SYNPO2L: variants seen among roughly 807,000 people sequenced by gnomAD.
SYNPO2L encodes the protein synaptopodin 2-like protein.
In SYNPO2L, 34 loss-of-function variants were observed where a neutral mutation model predicts 47.5. That is an observed-to-expected ratio of 0.72 (90% CI 0.54 to 0.95). SYNPO2L has a LOEUF of 0.95. Ranked by LOEUF, SYNPO2L falls within the 40% of genes least tolerant of loss-of-function variation. SYNPO2L has a pLI of 0.00. For synonymous variants in SYNPO2L, 536 were observed against 524.9 expected, an observed-to-expected ratio of 1.02 and a Z score of -0.29; for missense variants, 1,246 against 1,282.0, an observed-to-expected ratio of 0.97 and a Z score of 0.43.
rs577750788 is a variant in SYNPO2L at position 73,647,358 on chromosome 10, C to A, written c.2294G>T (p.Arg765Leu). ...QGRGGELFAK[R>L]QSRADRYVVE... Reference sequence around the variant, plus strand: ...CACATACCTGTCCGCACGGCTCTGCCGCTTAGCAAACAGCTCCCCACCCCT... The same window carrying A: ...CACATACCTGTCCGCACGGCTCTGCAGCTTAGCAAACAGCTCCCCACCCCT... Residue 765 changes from arginine to leucine, a missense_variant, in exon 4 of 4, where the codon CGG becomes CTG. Coordinates refer to ENST00000394810, the MANE Select transcript of SYNPO2L (RefSeq NM_001114133.3). 19 of 1,614,038 alleles carry A rather than the reference C, an allele frequency of 1.2e-5. No homozygotes were observed. The African/African-American group carries it at 1.9e-4, about 16-fold the overall frequency.
At chr10:73,650,273 T>C (rs943175624) in intron 3 of SYNPO2L, 1 of 983,110 alleles carries the variant, frequency 1.0e-6, no homozygotes, top group African/African-American at 1.7e-5. Flanking sequence ...ATGAGCGTGG[T>C]ATCTTGAGTG....
intron 3 of SYNPO2L, chr10:73,650,645 C>T: frequency 1.0e-6 from 1 of 966,400 alleles, no homozygotes; most frequent in Non-Finnish European, 1.2e-6. Flanking sequence ...CTCACACATA[C>T]ATGCCTTCAT....
Position 73,647,457 on chromosome 10 carries a change from C to A in SYNPO2L, c.2195G>T (p.Arg732Leu). 1 of 1,601,232 alleles carries A rather than the reference C, an allele frequency of 6.2e-7. No individual in the cohort carries two copies. The highest frequency in any genetic ancestry group is 1.7e-5 in the Admixed American group (1 of 59,198). ...ATTCACGAGCCCATCAAGGAGCCCT[C>A]GAGATGGGGGCTTAGGAGCCACTGG... ...PPPVAPKPPS[R>L]GLLDGLVNGA... The change falls in exon 4 of 4, where the codon CGA (arginine) becomes CTA (leucine). Residue 732 changes from arginine (R) to leucine (L), a missense_variant. Transcript: ENST00000394810.
rs1195875924 is a variant in SYNPO2L at position 73,646,975 on chromosome 10, G to T, written c.2677C>A (p.Pro893Thr). ...RVQEIRRFST[P>T]APQPTAEPLA... ...GGTTCTGCAGTGGGCTGGGGTGCCG[G>T]AGTGGAAAACCGGCGAATCTCCTGG... The change falls in exon 4 of 4, where the codon CCG becomes ACG. Residue 893 changes from proline (P) to threonine (T), a missense_variant. Transcript: ENST00000394810. 9 of 1,612,380 alleles carry T rather than the reference G, an allele frequency of 5.6e-6. No homozygotes were observed. Among genetic ancestry groups the T allele is most frequent in the Non-Finnish European group, 6.8e-6 (8 of 1,178,804 alleles).
intron 3 of SYNPO2L, among the ~76,000 whole-genome samples, chr10:73,652,789 T>G (rs968215982): frequency 8.5e-5 from 13 of 152,196 alleles, no homozygotes; most frequent in African/African-American, 2.9e-4. Context: ...AACCTGCTTT[T>G]AAATACTCCC....
At position 73,647,814 on chromosome 10, in the gene SYNPO2L, C is replaced by A. The variant is rs573227336; in HGVS notation, c.1838G>T (p.Arg613Leu). ...APEPPSAREQ[R>L]ISVPAARTGI... is the part of the protein sequence containing the mutation. ...CGTGCGGGCAGCTGGCACAGAGATG[C>A]GCTGCTCGCGAGCGCTGGGGGGCTC... Residue 613 changes from arginine (R) to leucine (L), a missense_variant, in exon 4 of 4, where the codon CGC (arginine) becomes CTC (leucine). This residue lies in a region of SYNPO2L where 1,037 missense variants were observed against 1,021.5 expected (regional missense o/e 1.02). Transcript: ENST00000394810. 50 of 1,596,832 alleles carry A rather than the reference C, an allele frequency of 3.1e-5. No individual in the cohort carries two copies. Among genetic ancestry groups the A allele is most frequent in the Non-Finnish European group, 3.7e-5 (43 of 1,170,542 alleles).
chr10:73,648,083 T>G lies in SYNPO2L; in HGVS notation c.1569A>C (p.Ser523=). The G allele has an allele frequency of 6.4e-7, 1 of 1,565,760 alleles. No homozygotes were observed. ...AGACTGGCGCGTGGCTGGGAACCCC[T>G]GAAGTGAAGCTGGGCAGAGGGGTGG... ...QGPTPLPSFT[S]GVPSHAPVSG... is the part of the protein sequence containing the mutation. The change falls in exon 4 of 4, where the codon TCA becomes TCC. Residue 523 remains serine, a synonymous_variant. Coordinates refer to ENST00000394810, the MANE Select transcript of SYNPO2L (RefSeq NM_001114133.3).
In SYNPO2L at chr10:73,653,161, G is replaced by C; in HGVS notation, c.750C>G (p.Tyr250Ter). The change falls in exon 3 of 4, where the codon TAC becomes TAG. Residue 250 changes from tyrosine (Y) to a stop codon, truncating the protein, a stop_gained. Coordinates refer to ENST00000394810, the MANE Select transcript of SYNPO2L (RefSeq NM_001114133.3). LOFTEE classifies it high-confidence loss of function. Reference sequence around the variant, plus strand: ...CACTGGCTTGCTTGGCCTTCTGGGTGTAGGTGGTAGTAAGATCTTCTGCCA... The same window carrying C: ...CACTGGCTTGCTTGGCCTTCTGGGTCTAGGTGGTAGTAAGATCTTCTGCCA... ...HPVAEDLTTT[Y>*]TQKAKQAKLQ... is the part of the protein sequence containing the mutation. The C allele has an allele frequency of 6.9e-7, 1 of 1,452,932 alleles. No homozygotes were observed. The highest frequency in any genetic ancestry group is 9.1e-7 in the Non-Finnish European group (1 of 1,098,374). 90.0% of individuals were successfully genotyped at this position (1,452,932 alleles called of 1,614,324 possible). A position where few individuals can be genotyped will look rare whatever the true frequency, so the allele number is the denominator to read the frequency against.
intron 3 of SYNPO2L, chr10:73,650,281 G>A: frequency 3.1e-6 from 3 of 978,338 alleles, no homozygotes; most frequent in African/African-American, 3.5e-5. Context: ...GGTATCTTGA[G>A]TGGAAAGTAG....
Position 73,647,018 on chromosome 10 carries a change from G to C in SYNPO2L, c.2634C>G (p.Ser878=), listed in dbSNP as rs774917997. The part of the protein sequence containing the change: ...PPTPGPIASG[S]PKTARVQEIR... ...TCTCCTGGACTCGGGCAGTTTTGGG[G>C]GACCCTGAGGCGATAGGGCCAGGAG... The change falls in exon 4 of 4, where the codon TCC becomes TCG. Residue 878 remains serine, a synonymous_variant. Coordinates refer to ENST00000394810, the MANE Select transcript of SYNPO2L (RefSeq NM_001114133.3). The C allele has an allele frequency of 2.5e-6, 4 of 1,613,532 alleles. No homozygotes were observed. In the South Asian group the frequency reaches 4.4e-5, roughly 18 times the overall value.
chr10:73,650,792 G>A, intron 3 of SYNPO2L: 2 of 1,357,134 alleles, frequency 1.5e-6, no homozygotes, highest in African/African-American at 1.6e-5. Context: ...GGAGGAAGAG[G>A]ACAGCAAAAA....
In SYNPO2L at chr10:73,653,565, C is replaced by T; in HGVS notation, c.346G>A (p.Gly116Ser). The change falls in exon 3 of 4, where the codon GGT (glycine) becomes AGT (serine). Residue 116 changes from glycine (G) to serine (S), a missense_variant. Transcript: ENST00000394810. ...PLSPLSPEPP[G>S]APVPQPLQPG... is the part of the protein sequence containing the mutation. ...TGAAGAGGCTGAGGAACTGGAGCAC[C>T]AGGGGGCTCAGGACTTAGTGGAGAT... is the stretch of plus-strand genomic sequence containing the variant. 3 of 1,552,100 alleles carry T rather than the reference C, an allele frequency of 1.9e-6. No homozygotes were observed. The South Asian group carries it at 3.6e-5, about 18-fold the overall frequency.
Position 73,655,835 on chromosome 10 carries a change from G to T in SYNPO2L, c.88C>A (p.Pro30Thr), listed in dbSNP as rs1454296213. 1 of 1,550,238 alleles carries T rather than the reference G, an allele frequency of 6.5e-7. No individual in the cohort carries two copies. Among genetic ancestry groups the T allele is most frequent in the Admixed American group, 2.0e-5 (1 of 50,820 alleles). The change falls in exon 1 of 4, where the codon CCG becomes ACG. Residue 30 changes from proline to threonine, a missense_variant. Pro to Thr is a conservative substitution (Grantham distance 38). This residue lies in a region of SYNPO2L where 61 missense variants were observed against 55.6 expected (regional missense o/e 1.10). Coordinates refer to ENST00000394810, the MANE Select transcript of SYNPO2L (RefSeq NM_001114133.3). The stretch of plus-strand genomic sequence containing the variant: ...TCCCTTACCTTAGACACCTGTAACG[G>T]TTTCCTCTGCTCGGCCCCCCCATGA... Reference protein sequence around the residue: ...RLHGGAEQRKPLQVSKIRRRS... With the variant: ...RLHGGAEQRKTLQVSKIRRRS...
chr10:73,647,561 G>A lies in SYNPO2L; in HGVS notation c.2091C>T (p.Thr697=), dbSNP rs1162534926. 6.2e-7 allele frequency: 1 copy of A among 1,607,566 alleles called. No individual in the cohort carries two copies. Among genetic ancestry groups the A allele is most frequent in the Non-Finnish European group, 8.5e-7 (1 of 1,175,522 alleles). Residue 697 remains threonine, a synonymous_variant, in exon 4 of 4, where the codon ACC becomes ACT. Coordinates refer to ENST00000394810, the MANE Select transcript of SYNPO2L (RefSeq NM_001114133.3). ...GGGTCTTAGGTGTCACGTGAGGCAG[G>A]GTCTTGTAACTCCTGGCCCCTACTG... ...MQPVGARSYK[T]LPHVTPKTPP... is the part of the protein sequence containing the mutation.
Position 73,647,914 on chromosome 10 carries a change from C to A in SYNPO2L, c.1738G>T (p.Ala580Ser). The change falls in exon 4 of 4, where the codon GCT becomes TCT. Residue 580 changes from alanine (A) to serine (S), a missense_variant. By Grantham distance (99) the Ala-to-Ser change is moderately conservative. Transcript: ENST00000394810. ...AAAGGCGCAGATAGGAAGATAGAAG[C>A]GGTGGAGGTCATGGCAGCTGCGCTA... The part of the protein sequence containing the change: ...PPSAAAMTST[A>S]SIFLSAPLRP... 1.3e-6 allele frequency: 2 copies of A among 1,528,528 alleles called. No individual in the cohort carries two copies. Among genetic ancestry groups the A allele is most frequent in the Non-Finnish European group, 1.8e-6 (2 of 1,141,318 alleles). The allele number at this position is 1,528,528 out of a possible 1,614,324, so 94.7% of individuals were successfully genotyped here.
In SYNPO2L at chr10:73,646,210, A is replaced by ACACC. The variant is rs1428640026; in HGVS notation, c.*507_*508insGGTG. 1 of 983,794 alleles carries ACACC rather than the reference A, an allele frequency of 1.0e-6. No homozygotes were observed. Among genetic ancestry groups the ACACC allele is most frequent in the African/African-American group, 1.8e-5 (1 of 56,884 alleles). The allele number at this position is 983,794 out of a possible 1,614,324, so 60.9% of individuals were successfully genotyped here. A position where few individuals can be genotyped will look rare whatever the true frequency, so the allele number is the denominator to read the frequency against. On this transcript the variant is annotated 3_prime_UTR_variant, in exon 4 of 4. Coordinates refer to ENST00000394810, the MANE Select transcript of SYNPO2L (RefSeq NM_001114133.3). ...CACACACACACACACACACACACAC[A>ACACC]CACACACAGGCCTAGGTATATGCCA...
chr10:73,651,085 C>T, intron 3 of SYNPO2L: 1 of 1,481,280 alleles, frequency 6.8e-7, no homozygotes, highest in Non-Finnish European at 9.0e-7. Flanking sequence ...TTTGTCTTGT[C>T]CCCAGAGCTG....
At position 73,645,729 on chromosome 10, in the gene SYNPO2L, A is replaced by T; in HGVS notation, c.*989T>A. On this transcript the variant is annotated 3_prime_UTR_variant, in exon 4 of 4. Transcript: ENST00000394810. Reference sequence around the variant, plus strand: ...CTGCTACAGACATTGGTCTCTAAGGAGTTATTCTCTAGTGAATCTCTTTCT... The same window carrying T: ...CTGCTACAGACATTGGTCTCTAAGGTGTTATTCTCTAGTGAATCTCTTTCT... 1 of 985,858 alleles carries T rather than the reference A, an allele frequency of 1.0e-6. No individual in the cohort carries two copies. The highest frequency in any genetic ancestry group is 1.2e-6 in the Non-Finnish European group (1 of 829,994). The allele number at this position is 985,858 out of a possible 1,614,324, so 61.1% of individuals were successfully genotyped here.
chr10:73,655,830 T>A lies in SYNPO2L; in HGVS notation c.93A>T (p.Leu31Phe). Residue 31 changes from leucine (L) to phenylalanine (F), a missense_variant, in exon 1 of 4, where the codon TTA (leucine) becomes TTT (phenylalanine). Physicochemically the swap from Leu to Phe is conservative, Grantham distance 22 (BLOSUM62 0). Coordinates refer to ENST00000394810, the MANE Select transcript of SYNPO2L (RefSeq NM_001114133.3). ...LHGGAEQRKPLQVSKIRRRSQ... is the reference protein window; with the variant it reads ...LHGGAEQRKPFQVSKIRRRSQ... ...GGCTCTCCCTTACCTTAGACACCTG[T>A]AACGGTTTCCTCTGCTCGGCCCCCC... 6.5e-7 allele frequency: 1 copy of A among 1,548,924 alleles called. No homozygotes were observed. The highest frequency in any genetic ancestry group is 1.2e-5 in the South Asian group (1 of 83,976).
Sources: gnomAD v4.1 joint callset for allele counts (sites outside exome capture counted in the v4.1 genomes callset) on GRCh38, gnomAD v4.1.1 for gene constraint, gnomAD v4.1.1 regional missense constraint, MANE v1.5 for transcripts, NCBI Gene and HGNC (gene_info 2026-07-23, HGNC 2026-07-21) for gene names.